TOPAZ1: variants seen among roughly 807,000 people sequenced by gnomAD.
TOPAZ1 encodes the protein protein TOPAZ1.
TOPAZ1 carries 66 observed loss-of-function variants against 172.2 expected under a neutral mutation model. The observed-to-expected ratio is 0.38, with a 90% CI of 0.31 to 0.47. TOPAZ1 has a LOEUF of 0.47. TOPAZ1 is among the 20% of genes least tolerant of loss of function. The probability of loss-of-function intolerance (pLI) is 0.99; values close to 1 mark genes in which losing one functional copy is unlikely to be tolerated. For missense variants in TOPAZ1, 1,822 were observed against 1,972.4 expected, an observed-to-expected ratio of 0.92 and a Z score of 1.44; for synonymous variants, 681 against 683.9, an observed-to-expected ratio of 1.00 and a Z score of 0.07.
chr3:44,294,795 T>G (rs1700175997), intron 12 of TOPAZ1, among the ~76,000 whole-genome samples: 1 of 152,208 alleles, frequency 6.6e-6, no homozygotes. Flanking sequence ...TAATGCACAT[T>G]TATATTTTGA....
intron 18 of TOPAZ1, among the ~76,000 whole-genome samples, chr3:44,327,843 C>G (rs1015877238): frequency 5.3e-5 from 8 of 152,056 alleles, no homozygotes; most frequent in Non-Finnish European, 2.9e-5. Flanking sequence ...CTCCCAGGTT[C>G]AAGTGATTCT....
chr3:44,318,783 T>TTA (rs1700479090), intron 16 of TOPAZ1, among the ~76,000 whole-genome samples: 1 of 147,878 alleles, frequency 6.8e-6, no homozygotes, highest in Non-Finnish European at 1.5e-5. Context: ...TATATGTATT[T>TTA]TATATATATA....
At chr3:44,286,501 G>T (rs1376881032) in intron 9 of TOPAZ1, among the ~76,000 whole-genome samples, 1 of 152,072 alleles carries the variant, frequency 6.6e-6, no homozygotes, top group African/African-American at 2.4e-5. Context: ...TTTGAATATT[G>T]TTATACCATA....
At chr3:44,315,667 C>T (rs1031031258) in intron 16 of TOPAZ1, among the ~76,000 whole-genome samples, 6 of 151,840 alleles carry the variant, frequency 4.0e-5, no homozygotes, top group Non-Finnish European at 7.4e-5. Context: ...CCACCATGCC[C>T]GGCATCTTCA....
chr3:44,328,541 G>A, intron 19 of TOPAZ1, 108 bp downstream of exon 19: 9 of 504,902 alleles, frequency 1.8e-5, no homozygotes, highest in Non-Finnish European at 2.9e-5. Flanking sequence ...ATATATTTAT[G>A]TATATATTTA....
At chr3:44,251,846 G>A (rs192096350) in intron 2 of TOPAZ1, among the ~76,000 whole-genome samples, 9 of 151,780 alleles carry the variant, frequency 5.9e-5, no homozygotes, top group Non-Finnish European at 8.8e-5. Flanking sequence ...ATCTCCTTTC[G>A]TTGTTCTTCC....
chr3:44,276,814 C>T (rs979665923), intron 8 of TOPAZ1, among the ~76,000 whole-genome samples: 23 of 151,322 alleles, frequency 1.5e-4, no homozygotes, highest in African/African-American at 5.1e-4. Flanking sequence ...TTTTTTTAGA[C>T]GGAGTCTGGC....
intron 9 of TOPAZ1, among the ~76,000 whole-genome samples, chr3:44,283,979 G>C (rs7649004): frequency 0.48 from 72,600 of 151,948 alleles, 18,224 homozygotes; most frequent in East Asian, 0.81. Context: ...CAATTATGGC[G>C]TTTTATAGCA....
intron 17 of TOPAZ1, 69 bp from the exon 18 acceptor site, chr3:44,323,020 AAGG>A: frequency 9.8e-7 from 1 of 1,021,288 alleles, no homozygotes; most frequent in East Asian, 2.7e-5. Flanking sequence ...GAGAAAGAAA[AAGG>A]AGTATGAGAT....
At position 44,288,944 on chromosome 3, in the gene TOPAZ1, CATA is replaced by C. The variant is rs572349807; in HGVS notation, c.3681+1109_3681+1111del. Among the ~76,000 whole-genome samples the C allele has an allele frequency of 3.3e-5, 5 of 152,248 alleles. No homozygotes were observed. The South Asian group carries it at 1.0e-3, about 32-fold the overall frequency. ...CTATTTCAGGGTTCAGTAATAACAC[CATA>C]ATATCATCATGGAGAAAGATGCTTT... On this transcript the variant is annotated intron_variant, in intron 11 of 19. Coordinates refer to ENST00000309765, the MANE Select transcript of TOPAZ1 (RefSeq NM_001145030.2).
chr3:44,248,112 C>T (rs534279586), intron 2 of TOPAZ1, among the ~76,000 whole-genome samples: 1 of 152,268 alleles, frequency 6.6e-6, no homozygotes, highest in Non-Finnish European at 1.5e-5. Flanking sequence ...TTACATATTT[C>T]CCCCTCACAA....
chr3:44,306,985 G>T (rs1019878633), intron 15 of TOPAZ1, among the ~76,000 whole-genome samples: 1 of 152,052 alleles, frequency 6.6e-6, no homozygotes, highest in Non-Finnish European at 1.5e-5. Flanking sequence ...TGTAATTTTA[G>T]AAGAGTCCAA....
rs189102994 is a variant in TOPAZ1, at chr3:44,290,326, T to A, written c.3682-445T>A. On this transcript the variant is annotated intron_variant, in intron 11 of 19. Coordinates refer to ENST00000309765, the MANE Select transcript of TOPAZ1 (RefSeq NM_001145030.2). Reference sequence around the variant, plus strand: ...TAAAGCCTTTGAATTGGTATTTTTTTAATTACGTGCTATGTTACATGTGGG... The same window carrying A: ...TAAAGCCTTTGAATTGGTATTTTTTAAATTACGTGCTATGTTACATGTGGG... Among the ~76,000 whole-genome samples the A allele has an allele frequency of 4.1e-3, 622 of 152,304 alleles. 10 individuals carry two copies. The highest frequency in any genetic ancestry group is 0.014 in the African/African-American group (594 of 41,562).
intron 12 of TOPAZ1, among the ~76,000 whole-genome samples, chr3:44,297,970 T>C (rs1453352618): frequency 6.6e-6 from 1 of 152,118 alleles, no homozygotes; most frequent in Non-Finnish European, 1.5e-5. Flanking sequence ...ATAAAAGAAA[T>C]TGAAAGATTA....
At chr3:44,315,901 T>C (rs1367426948) in intron 16 of TOPAZ1, among the ~76,000 whole-genome samples, 1 of 152,124 alleles carries the variant, frequency 6.6e-6, no homozygotes, top group Non-Finnish European at 1.5e-5. Context: ...TACTTTTCTG[T>C]TTTGCTTGAG....
At chr3:44,290,983 A>G in intron 12 of TOPAZ1, 97 bp downstream of exon 12, 4 of 722,488 alleles carry the variant, frequency 5.5e-6, no homozygotes, top group Non-Finnish European at 8.9e-6. Context: ...TTGTATGCCC[A>G]AACATTTAGA....
chr3:44,336,233 T>C (rs1700724624), downstream of TOPAZ1, among the ~76,000 whole-genome samples: 1 of 152,184 alleles, frequency 6.6e-6, no homozygotes, highest in African/African-American at 2.4e-5. Flanking sequence ...GCCTTAGCTG[T>C]AAATTAGCTT....
chr3:44,299,545 G>A (rs7619094), intron 12 of TOPAZ1, among the ~76,000 whole-genome samples: 71,549 of 150,804 alleles, frequency 0.47, 17,729 homozygotes, highest in East Asian at 0.8. Context: ...TCAGTGTGGC[G>A]ATTCCTCAGG....
At chr3:44,252,663 T>G (rs1212931257) in intron 2 of TOPAZ1, among the ~76,000 whole-genome samples, 3 of 152,226 alleles carry the variant, frequency 2.0e-5, no homozygotes, top group African/African-American at 7.2e-5. Flanking sequence ...TCCCTTTCTT[T>G]GCATTCAGTT....
Sources: allele counts gnomAD v4.1 joint callset (sites outside exome capture counted in the v4.1 genomes callset), GRCh38; gene constraint gnomAD v4.1.1; transcripts MANE v1.5; gene names NCBI Gene and HGNC (gene_info 2026-07-23, HGNC 2026-07-21).